Variants in TFEC observed in about 807,000 individuals in gnomAD.
TFEC encodes the protein class E basic helix-loop-helix protein 34.
A neutral mutation model predicts 41.6 loss-of-function variants in TFEC; 31 were observed. That is an observed-to-expected ratio of 0.74 (90% CI 0.56 to 1.01). TFEC has a LOEUF of 1.01. Ranked by LOEUF, TFEC falls within the 50% of genes least tolerant of loss-of-function variation. The probability of loss-of-function intolerance (pLI) is 0.00; values close to 1 mark genes in which losing one functional copy is unlikely to be tolerated. For missense variants in TFEC, 402 were observed against 404.1 expected, an observed-to-expected ratio of 0.99 and a Z score of 0.04; for synonymous variants, 143 against 140.6, an observed-to-expected ratio of 1.02 and a Z score of -0.12.
chr7:115,946,622 TTCTCTCTC>T (rs67677341), intron 6 of TFEC, among the ~76,000 whole-genome samples: 3 of 145,126 alleles, frequency 2.1e-5, no homozygotes, highest in Admixed American at 6.8e-5. Context: ...CTTTCTTTCT[TTCTCTCTC>T]TCTCTCTTTA....
At chr7:115,940,962 T>C (rs1793464896) in intron 7 of TFEC, 31 bp from the exon 8 acceptor site, 2 of 1,533,060 alleles carry the variant, frequency 1.3e-6, no homozygotes, top group South Asian at 1.3e-5. Flanking sequence ...CATTAAATAA[T>C]GTCTTTGAAA....
At chr7:116,106,850 T>A (rs896442608) in intron 3 of TFEC, among the ~76,000 whole-genome samples, 4 of 152,210 alleles carry the variant, frequency 2.6e-5, no homozygotes, top group Non-Finnish European at 4.4e-5. Context: ...ACCCAGGGTG[T>A]CTGTTTACAT....
intron 1 of TFEC, among the ~76,000 whole-genome samples, chr7:116,139,294 G>GA: frequency 6.6e-6 from 1 of 152,210 alleles, no homozygotes; most frequent in Middle Eastern, 3.4e-3. Flanking sequence ...AGCTAACACG[G>GA]GCGTCCCAGG....
chr7:115,990,867 G>C (rs1282379312), intron 1 of TFEC, among the ~76,000 whole-genome samples: 1 of 152,078 alleles, frequency 6.6e-6, no homozygotes, highest in Non-Finnish European at 1.5e-5. Flanking sequence ...TTCAAATTCA[G>C]GAAATGCAGA....
intron 3 of TFEC, among the ~76,000 whole-genome samples, chr7:115,967,581 G>T (rs1792918887): frequency 6.6e-6 from 1 of 151,784 alleles, no homozygotes; most frequent in Admixed American, 6.6e-5. Flanking sequence ...TACTAAAGCA[G>T]AGGTATACAG....
At chr7:115,970,403 G>A (rs1016210528) in intron 3 of TFEC, among the ~76,000 whole-genome samples, 9 of 151,932 alleles carry the variant, frequency 5.9e-5, no homozygotes, top group African/African-American at 2.2e-4. Flanking sequence ...CTATTGGGGA[G>A]GAGAGAATGA....
chr7:115,948,621 A>G (rs1791745950), intron 6 of TFEC, among the ~76,000 whole-genome samples: 1 of 152,106 alleles, frequency 6.6e-6, no homozygotes, highest in Admixed American at 6.6e-5. Context: ...CAAAAGATGC[A>G]GAAAAGGCCT....
intron 3 of TFEC, among the ~76,000 whole-genome samples, chr7:116,053,102 G>A (rs1274918901): frequency 6.6e-6 from 1 of 151,986 alleles, no homozygotes; most frequent in Non-Finnish European, 1.5e-5. Flanking sequence ...TGTCATGGAA[G>A]GTTAACAATG....
chr7:115,981,638 T>C (rs1405272558), intron 2 of TFEC, among the ~76,000 whole-genome samples: 1 of 152,312 alleles, frequency 6.6e-6, no homozygotes, highest in African/African-American at 2.4e-5. Flanking sequence ...AAATGTAGCA[T>C]GTGCTGTGAG....
At chr7:116,002,613 C>T (rs1365801801) in intron 1 of TFEC, among the ~76,000 whole-genome samples, 1 of 151,916 alleles carries the variant, frequency 6.6e-6, no homozygotes, top group Non-Finnish European at 1.5e-5. Context: ...TTTTATGGCA[C>T]AACAGGGTGA....
intron 3 of TFEC, among the ~76,000 whole-genome samples, chr7:116,069,215 G>A (rs1796768136): frequency 1.3e-5 from 2 of 151,502 alleles, no homozygotes; most frequent in South Asian, 4.1e-4. Context: ...AAATTGATTA[G>A]AAGAATAGAG....
At chr7:116,146,293 G>A (rs892562450) in intron 1 of TFEC, among the ~76,000 whole-genome samples, 5 of 152,142 alleles carry the variant, frequency 3.3e-5, no homozygotes, top group African/African-American at 1.2e-4. Context: ...AGGGATGACA[G>A]GCGGAGTCCA....
At chr7:115,979,337 A>T (rs906203738) in intron 2 of TFEC, among the ~76,000 whole-genome samples, 6 of 151,918 alleles carry the variant, frequency 3.9e-5, no homozygotes, top group African/African-American at 1.5e-4. Context: ...TTTTCTATTC[A>T]TTTCACACTG....
At chr7:116,064,320 T>C (rs1796641493) in intron 3 of TFEC, among the ~76,000 whole-genome samples, 1 of 151,626 alleles carries the variant, frequency 6.6e-6, no homozygotes, top group South Asian at 2.1e-4. Flanking sequence ...AAAATAGGTA[T>C]ATATACACCA....
chr7:116,110,485 G>T (rs1444957777), intron 3 of TFEC, among the ~76,000 whole-genome samples: 1 of 152,076 alleles, frequency 6.6e-6, no homozygotes, highest in Admixed American at 6.6e-5. Flanking sequence ...TGTACTTTGG[G>T]TTCTTTGTTG....
rs1014599656 is a variant in TFEC at position 115,984,144 on chromosome 7, ATTTCT to A, written c.180+113_180+117del. On this transcript the variant is annotated intron_variant, in intron 2 of 7. Coordinates refer to ENST00000265440, the MANE Select transcript of TFEC (RefSeq NM_012252.4). ...ATAGAGAATAATTAATTAAAAGCAC[ATTTCT>A]TTTGTTACATTTGCAATCAGAATGT... The A allele has an allele frequency of 3.6e-5, 46 of 1,271,912 alleles. No individual in the cohort carries two copies. In the African/African-American group the frequency reaches 3.7e-4, roughly 10 times the overall value. The allele number at this position is 1,271,912 out of a possible 1,614,324, so 78.8% of individuals were successfully genotyped here.
intron 3 of TFEC, among the ~76,000 whole-genome samples, chr7:116,101,225 C>A (rs1584516984): frequency 7.4e-6 from 1 of 135,856 alleles, no homozygotes; most frequent in East Asian, 2.4e-4. Flanking sequence ...AAAAACTAGG[C>A]TGGGATAAGA....
chr7:116,144,213 CA>C (rs199544196), intron 1 of TFEC, among the ~76,000 whole-genome samples: 55,155 of 142,418 alleles, frequency 0.39, 10,247 homozygotes, highest in East Asian at 0.58. Flanking sequence ...GAGACTCCAT[CA>C]AAAAAAAAAA....
intron 1 of TFEC, among the ~76,000 whole-genome samples, chr7:116,123,421 T>C (rs1798148294): frequency 6.6e-6 from 1 of 152,112 alleles, no homozygotes; most frequent in Non-Finnish European, 1.5e-5. Flanking sequence ...AGCTACTTTG[T>C]CATCTTTTGA....
Sources: allele counts gnomAD v4.1 joint callset (sites outside exome capture counted in the v4.1 genomes callset), GRCh38; gene constraint gnomAD v4.1.1; transcripts MANE v1.5; gene names NCBI Gene and HGNC (gene_info 2026-07-23, HGNC 2026-07-21).